Variants in C8orf89 observed in about 807,000 individuals in gnomAD.
The protein encoded by C8orf89 is chromosome 8 open reading frame 89, also known as putative uncharacterized protein C8orf89.
Under a neutral mutation model 15.8 loss-of-function variants are expected in C8orf89, and 14 were observed. The ratio of observed to expected loss-of-function variants is 0.89; its 90% CI spans 0.59 to 1.39. C8orf89 has a LOEUF of 1.39. Ranked by LOEUF, C8orf89 falls within the 40% of genes most tolerant of loss-of-function variation. The pLI is 0.00. For missense variants in C8orf89, 181 were observed against 184.5 expected, an observed-to-expected ratio of 0.98 and a Z score of 0.11; for synonymous variants, 55 against 62.2, an observed-to-expected ratio of 0.88 and a Z score of 0.54.
At chr8:73,271,406 G>A in the C8orf89 span, among the ~76,000 whole-genome samples, 1 of 152,076 alleles carries the variant, frequency 6.6e-6, no homozygotes, top group Non-Finnish European at 1.5e-5. Context: ...TTGGTTCTGG[G>A]GAAATGGATT....
rs1813000577 is a variant in C8orf89, at chr8:73,241,348, T to A, written c.*109A>T. On this transcript the variant is annotated 3_prime_UTR_variant, in exon 4 of 4. Transcript: ENST00000624510. ...CTCATCTATAATGTAAAATATTTAT[T>A]TATTTACATTTCCATTTTTATATAA... 3.7e-6 allele frequency: 3 copies of A among 813,646 alleles called. No homozygotes were observed. The highest frequency in any genetic ancestry group is 4.7e-5 in the South Asian group (1 of 21,426). The allele number at this position is 813,646 out of a possible 1,614,324, so 50.4% of individuals were successfully genotyped here. A position where few individuals can be genotyped will look rare whatever the true frequency, so the allele number is the denominator to read the frequency against.
At chr8:73,252,222 T>C (rs199802313) in intron 2 of C8orf89, among the ~76,000 whole-genome samples, 2 of 152,222 alleles carry the variant, frequency 1.3e-5, no homozygotes, top group East Asian at 3.8e-4. Flanking sequence ...TATTGTGGTG[T>C]TACTTACAAA....
upstream of C8orf89, among the ~76,000 whole-genome samples, chr8:73,261,867 G>A (rs747234173): frequency 5.3e-5 from 8 of 152,104 alleles, no homozygotes; most frequent in Non-Finnish European, 1.0e-4. Context: ...CCCAGCCCAC[G>A]CTTCCTTCCC....
At chr8:73,272,041 GATT>G in the C8orf89 span, among the ~76,000 whole-genome samples, 2 of 152,160 alleles carry the variant, frequency 1.3e-5, no homozygotes, top group Admixed American at 6.5e-5. Flanking sequence ...TAATCATCAT[GATT>G]ATTATTATAG....
the C8orf89 span, among the ~76,000 whole-genome samples, chr8:73,271,741 A>G: frequency 1.3e-5 from 2 of 152,142 alleles, no homozygotes; most frequent in South Asian, 4.1e-4. Context: ...AGACTGTGCA[A>G]TTTACACAAG....
the C8orf89 span, among the ~76,000 whole-genome samples, chr8:73,275,678 C>G: frequency 5.4e-4 from 82 of 152,174 alleles, no homozygotes; most frequent in East Asian, 0.011. Context: ...CATTTTTGTA[C>G]AGGGTTTTGT....
At chr8:73,250,924 G>T (rs544921449) in intron 2 of C8orf89, among the ~76,000 whole-genome samples, 1 of 151,906 alleles carries the variant, frequency 6.6e-6, no homozygotes, top group East Asian at 1.9e-4. Context: ...TCAGCTTCTT[G>T]AGTAGCTGGG....
the C8orf89 span, among the ~76,000 whole-genome samples, chr8:73,270,983 A>G: frequency 3.9e-5 from 6 of 152,346 alleles, no homozygotes; most frequent in South Asian, 2.1e-4. Flanking sequence ...GAATCAAGAA[A>G]TGAAGAGATG....
At chr8:73,264,399 G>A (rs151041823), upstream of C8orf89, among the ~76,000 whole-genome samples, 1,440 of 152,286 alleles carry the variant, frequency 9.5e-3, 16 homozygotes, top group African/African-American at 0.032. Flanking sequence ...ATCTGTAAGG[G>A]CAGAATCTGT....
chr8:73,245,436 T>G (rs1053396737), intron 3 of C8orf89, among the ~76,000 whole-genome samples: 2 of 152,152 alleles, frequency 1.3e-5, no homozygotes, highest in African/African-American at 4.8e-5. Context: ...GTTGAAAATT[T>G]AAAACATAGG....
chr8:73,275,106 T>A, the C8orf89 span, among the ~76,000 whole-genome samples: 1 of 152,206 alleles, frequency 6.6e-6, no homozygotes, highest in East Asian at 1.9e-4. Context: ...GATATTTAAC[T>A]TTACTTACTA....
At chr8:73,281,816 G>C in the C8orf89 span, among the ~76,000 whole-genome samples, 1 of 152,214 alleles carries the variant, frequency 6.6e-6, no homozygotes, top group Non-Finnish European at 1.5e-5. Flanking sequence ...GCCTCCCTGT[G>C]ACTGGAATGT....
At chr8:73,260,645 T>C (rs944481403), upstream of C8orf89, among the ~76,000 whole-genome samples, 10 of 152,130 alleles carry the variant, frequency 6.6e-5, no homozygotes, top group African/African-American at 2.4e-4. Context: ...CACTGCAGCC[T>C]TGGGCATTAG....
the C8orf89 span, among the ~76,000 whole-genome samples, chr8:73,275,094 C>T: frequency 6.6e-6 from 1 of 152,166 alleles, no homozygotes; most frequent in African/African-American, 2.4e-5. Flanking sequence ...GTAAGATGTG[C>T]AGATATTTAA....
At chr8:73,250,189 A>G in intron 3 of C8orf89, 79 bp downstream of exon 3, 1 of 861,686 alleles carries the variant, frequency 1.2e-6, no homozygotes, top group East Asian at 2.7e-5. Context: ...ATCAATGAAA[A>G]GAAAGGAATT....
chr8:73,263,039 A>C (rs945341778), upstream of C8orf89, among the ~76,000 whole-genome samples: 1 of 152,162 alleles, frequency 6.6e-6, no homozygotes, highest in Non-Finnish European at 1.5e-5. Context: ...AGGAAGAGAT[A>C]ATAAAAAGAA....
chr8:73,281,596 T>C, the C8orf89 span, among the ~76,000 whole-genome samples: 9 of 152,218 alleles, frequency 5.9e-5, no homozygotes, highest in Admixed American at 2.6e-4. Context: ...AACAGAACTT[T>C]TGCTGACCTT....
intron 3 of C8orf89, among the ~76,000 whole-genome samples, chr8:73,242,456 T>C (rs537542561): frequency 3.3e-5 from 5 of 152,024 alleles, no homozygotes; most frequent in African/African-American, 7.3e-5. Flanking sequence ...TAAACTCTCA[T>C]GTTAATAAAA....
In C8orf89 at chr8:73,259,385, A is replaced by C; in HGVS notation, c.74T>G (p.Ile25Ser). 9 of 1,531,056 alleles carry C rather than the reference A, an allele frequency of 5.9e-6. No homozygotes were observed. Among genetic ancestry groups the C allele is most frequent in the Non-Finnish European group, 7.9e-6 (9 of 1,142,792 alleles). The allele number at this position is 1,531,056 out of a possible 1,614,324, so 94.8% of individuals were successfully genotyped here. ...TGCTTTCTTCCAACTACTCTCAAAA[A>C]TCAAACAACTGCCAAAGGAACTTCT... ...FTRSSFGSCL[I>S]FESSWKKAVL... Residue 25 changes from isoleucine (I) to serine (S), a missense_variant, in exon 1 of 4, where the codon ATT becomes AGT. By Grantham distance (142) the Ile-to-Ser change is moderately radical. Coordinates refer to ENST00000624510, the MANE Select transcript of C8orf89 (RefSeq NM_001243237.3).
Sources: allele counts gnomAD v4.1 joint callset (sites outside exome capture counted in the v4.1 genomes callset), GRCh38; gene constraint gnomAD v4.1.1; transcripts MANE v1.5; gene names NCBI Gene and HGNC (gene_info 2026-07-23, HGNC 2026-07-21).